Variants in TRERF1 observed in about 807,000 individuals in gnomAD.
TRERF1 encodes transcriptional-regulating factor 1.
TRERF1 carries 27 observed loss-of-function variants against 122.9 expected under a neutral mutation model. The observed-to-expected ratio is 0.22, with a 90% CI of 0.16 to 0.30. The LOEUF (loss-of-function observed/expected upper bound fraction) is 0.30, where lower values mean the gene tolerates loss of function less well. Among genes scored for constraint, TRERF1 ranks in the 10% least tolerant of loss-of-function variants. TRERF1 has a pLI of 1.00. For synonymous variants in TRERF1, 636 were observed against 641.7 expected, an observed-to-expected ratio of 0.99 and a Z score of 0.13; for missense variants, 1,248 against 1,560.3, an observed-to-expected ratio of 0.80 and a Z score of 3.37.
intron 2 of TRERF1, among the ~76,000 whole-genome samples, chr6:42,418,641 T>C (rs982902836): frequency 1.3e-5 from 2 of 152,098 alleles, no homozygotes; most frequent in East Asian, 3.9e-4. Flanking sequence ...TACTAGATTA[T>C]ACTAAGGCTC....
At chr6:42,320,800 G>A (rs541616097) in intron 3 of TRERF1, among the ~76,000 whole-genome samples, 55 of 152,268 alleles carry the variant, frequency 3.6e-4, no homozygotes, top group Non-Finnish European at 6.6e-4. Context: ...GTAAGCCACC[G>A]CACCTGGCCT....
In TRERF1 at chr6:42,403,105, C is replaced by T. The variant is rs192057416; in HGVS notation, c.-453-40026G>A. Among the ~76,000 whole-genome samples, 42 of 152,002 alleles carry T rather than the reference C, an allele frequency of 2.8e-4. No homozygotes were observed. In the East Asian group the frequency reaches 7.0e-3, roughly 25 times the overall value. Reference sequence around the variant, plus strand: ...TACTGGGGTGCTCACAGAGAGGGAGCGGCTCACGAGACAGAGACAGCAAAC... The same window carrying T: ...TACTGGGGTGCTCACAGAGAGGGAGTGGCTCACGAGACAGAGACAGCAAAC... On this transcript the variant is annotated intron_variant, in intron 2 of 17. Coordinates refer to ENST00000372922, the Ensembl canonical transcript of TRERF1.
At chr6:42,377,902 C>A (rs139154126) in intron 2 of TRERF1, among the ~76,000 whole-genome samples, 1 of 152,208 alleles carries the variant, frequency 6.6e-6, no homozygotes, top group Non-Finnish European at 1.5e-5. Context: ...GCAGCCCGTG[C>A]GGTCTCACAG....
intron 2 of TRERF1, among the ~76,000 whole-genome samples, chr6:42,424,382 G>A (rs1463689595): frequency 1.3e-5 from 2 of 152,156 alleles, no homozygotes; most frequent in Non-Finnish European, 2.9e-5. Context: ...GACAACACAA[G>A]TGGAAAATTC....
chr6:42,366,963 T>C (rs1221600685), intron 2 of TRERF1, among the ~76,000 whole-genome samples: 2 of 151,926 alleles, frequency 1.3e-5, no homozygotes, highest in East Asian at 3.9e-4. Flanking sequence ...CCATAAGAAA[T>C]CAGGATCTGC....
intron 4 of TRERF1, among the ~76,000 whole-genome samples, chr6:42,278,149 C>T (rs1348191416): frequency 6.6e-6 from 1 of 152,170 alleles, no homozygotes; most frequent in Non-Finnish European, 1.5e-5. Context: ...TCTGCCTCAT[C>T]TTAACCTGAC....
At chr6:42,381,231 C>T (rs1376400459) in intron 2 of TRERF1, among the ~76,000 whole-genome samples, 1 of 151,886 alleles carries the variant, frequency 6.6e-6, no homozygotes, top group Non-Finnish European at 1.5e-5. Context: ...CATTGGACTA[C>T]AAGCTCCCCG....
chr6:42,399,854 C>T (rs553547768), intron 2 of TRERF1, among the ~76,000 whole-genome samples: 2 of 152,280 alleles, frequency 1.3e-5, no homozygotes, highest in East Asian at 3.9e-4. Context: ...TCCCATCCAT[C>T]CCCCATGGTC....
intron 2 of TRERF1, among the ~76,000 whole-genome samples, chr6:42,383,215 A>C (rs940102331): frequency 3.7e-4 from 57 of 152,126 alleles, no homozygotes; most frequent in African/African-American, 1.3e-3. Context: ...TGGGTGACCG[A>C]GTGAGACCTT....
At chr6:42,336,683 C>T (rs373487775) in intron 3 of TRERF1, among the ~76,000 whole-genome samples, 8 of 152,234 alleles carry the variant, frequency 5.3e-5, no homozygotes, top group Admixed American at 3.9e-4. Flanking sequence ...CCCAACTTGG[C>T]GGAGGAGCAT....
intron 2 of TRERF1, among the ~76,000 whole-genome samples, chr6:42,373,575 G>A (rs1272389341): frequency 6.6e-6 from 1 of 152,154 alleles, no homozygotes; most frequent in Non-Finnish European, 1.5e-5. Context: ...GCTAAGGCAG[G>A]AGAATGTCAT....
Position 42,418,575 on chromosome 6 carries a change from G to A in TRERF1, c.-454+32602C>T, listed in dbSNP as rs866880980. Among the ~76,000 whole-genome samples the A allele has an allele frequency of 7.9e-5, 12 of 152,076 alleles. No individual in the cohort carries two copies. In the East Asian group the frequency reaches 1.4e-3, roughly 17 times the overall value. ...CGTGAGCCACCGTGCCTGGCCCTGC[G>A]TTTATTTCTAAACAGCTCCCAGGTG... On this transcript the variant is annotated intron_variant, in intron 2 of 17. Coordinates refer to ENST00000372922, the Ensembl canonical transcript of TRERF1.
chr6:42,336,361 C>CATG, intron 3 of TRERF1, among the ~76,000 whole-genome samples: 1 of 152,152 alleles, frequency 6.6e-6, no homozygotes, highest in Non-Finnish European at 1.5e-5. Flanking sequence ...CATGCCTCAT[C>CATG]CCCTGGGTCT....
intron 3 of TRERF1, among the ~76,000 whole-genome samples, chr6:42,330,968 T>C (rs1009113287): frequency 6.6e-6 from 1 of 152,168 alleles, no homozygotes; most frequent in Non-Finnish European, 1.5e-5. Flanking sequence ...TGTGAGCCAC[T>C]GCACCCGACC....
chr6:42,230,850 T>C (rs950937409), intron 17 of TRERF1, among the ~76,000 whole-genome samples: 6 of 152,164 alleles, frequency 3.9e-5, no homozygotes, highest in African/African-American at 1.4e-4. Flanking sequence ...AGACGCAGCA[T>C]GGCATAGAGC....
intron 2 of TRERF1, among the ~76,000 whole-genome samples, chr6:42,448,518 A>G (rs1787932052): frequency 6.6e-6 from 1 of 152,204 alleles, no homozygotes; most frequent in South Asian, 2.1e-4. Flanking sequence ...TCTCCATGAG[A>G]AGACAAAAAC....
Position 42,310,221 on chromosome 6 carries a change from G to A in TRERF1, c.-370-9472C>T, listed in dbSNP as rs142531434. ...TGGGCTCAGGCAATCCTCCTGCCTC[G>A]GCCTCCCAAAGTGCTAGGAGTATAG... is the stretch of plus-strand genomic sequence containing the variant. On this transcript the variant is annotated intron_variant, in intron 3 of 17. Transcript: ENST00000372922. Among the ~76,000 whole-genome samples, 703 of 151,998 alleles carry A rather than the reference G, an allele frequency of 4.6e-3. 2 individuals are homozygous for A. Among genetic ancestry groups the A allele is most frequent in the South Asian group, 9.4e-3 (45 of 4,798 alleles).
Position 42,268,934 on chromosome 6 carries a change from T to C in TRERF1, c.657A>G (p.Pro219=). Residue 219 remains proline, a synonymous_variant, in exon 5 of 18, where the codon CCA becomes CCG. Coordinates refer to ENST00000372922, the Ensembl canonical transcript of TRERF1. The surrounding 1 kb of genome is among the most constrained non-coding windows in gnomAD (Gnocchi z 4.4). Reference sequence around the variant, plus strand: ...TAGGGTGCTGCCCGACCTGAAGAGCTGGTTTGGACAGCCCACCAGTGAAAC... The same window carrying C: ...TAGGGTGCTGCCCGACCTGAAGAGCCGGTTTGGACAGCCCACCAGTGAAAC... 1 of 1,611,960 alleles carries C rather than the reference T, an allele frequency of 6.2e-7. No individual in the cohort carries two copies. Among genetic ancestry groups the C allele is most frequent in the South Asian group, 1.1e-5 (1 of 91,048 alleles).
intron 4 of TRERF1, among the ~76,000 whole-genome samples, chr6:42,286,272 A>G (rs1783206153): frequency 6.8e-6 from 1 of 146,858 alleles, no homozygotes; most frequent in Non-Finnish European, 1.5e-5. Context: ...AATGACAACC[A>G]AAGCCAAAAT....
Sources: allele counts gnomAD v4.1 joint callset (sites outside exome capture counted in the v4.1 genomes callset), GRCh38; gene constraint gnomAD v4.1.1; non-coding constraint Gnocchi (gnomAD v3.1); transcripts MANE v1.5; gene names NCBI Gene and HGNC (gene_info 2026-07-23, HGNC 2026-07-21).